Variants in SLC7A8 observed in about 807,000 individuals in gnomAD.
The protein encoded by SLC7A8 is large neutral amino acids transporter small subunit 2.
A neutral mutation model predicts 51.2 loss-of-function variants in SLC7A8; 30 were observed. That is an observed-to-expected ratio of 0.59 (90% CI 0.44 to 0.80). SLC7A8 has a LOEUF of 0.80. SLC7A8 is among the 30% of genes least tolerant of loss of function. The pLI, the probability that SLC7A8 is intolerant of heterozygous loss-of-function variation, is 0.00. For missense variants in SLC7A8, 612 were observed against 674.4 expected (o/e 0.91, Z 1.03); for synonymous variants, 257 against 275.8 (o/e 0.93, Z 0.67).
Position 23,126,993 on chromosome 14 carries a change from T to C in SLC7A8, c.*184A>G. On this transcript the variant is annotated 3_prime_UTR_variant, in exon 11 of 11. Transcript: ENST00000316902. ...GGACATGGACCCTGGGGTGAGAGGC[T>C]GGTTCTTTGGGTATGAATGTCAGTT... 1 of 695,664 alleles carries C rather than the reference T, an allele frequency of 1.4e-6. No individual in the cohort carries two copies. The highest frequency in any genetic ancestry group is 2.4e-6 in the Non-Finnish European group (1 of 416,738). 43.1% of individuals were successfully genotyped at this position (695,664 alleles called of 1,614,324 possible).
chr14:23,160,184 C>T (rs1262105703), intron 3 of SLC7A8, among the ~76,000 whole-genome samples: 5 of 152,110 alleles, frequency 3.3e-5, no homozygotes, highest in Non-Finnish European at 7.4e-5. Context: ...AAGGGTGTCC[C>T]CTGGACCCAG....
intron 3 of SLC7A8, chr14:23,154,473 A>G (rs982841415): frequency 1.0e-6 from 1 of 986,230 alleles, no homozygotes; most frequent in Non-Finnish European, 1.2e-6. Context: ...GATTGGCTGC[A>G]CCGAGTTCCT....
intron 3 of SLC7A8, among the ~76,000 whole-genome samples, chr14:23,156,962 G>A (rs565007013): frequency 4.3e-4 from 65 of 152,274 alleles, no homozygotes; most frequent in African/African-American, 1.5e-3. Flanking sequence ...ACATTGAAAC[G>A]AAGAAGAAGG....
intron 3 of SLC7A8, chr14:23,154,394 G>A: frequency 1.0e-6 from 1 of 997,014 alleles, no homozygotes; most frequent in South Asian, 4.7e-5. Flanking sequence ...TGCCCAGGCT[G>A]GAGGTTGGAG....
Position 23,131,974 on chromosome 14 carries a change from A to C in SLC7A8, c.1017-417T>G, listed in dbSNP as rs193193827. Among the ~76,000 whole-genome samples, 159 of 151,280 alleles carry C rather than the reference A, an allele frequency of 1.1e-3. 2 individuals carry two copies. The highest frequency in any genetic ancestry group is 1.2e-4 in the Non-Finnish European group (8 of 67,872). On this transcript the variant is annotated intron_variant, in intron 7 of 10. Coordinates refer to ENST00000316902, the MANE Select transcript of SLC7A8 (RefSeq NM_012244.4). ...CCCTAATACACTGGGACTGAACTGC[A>C]TATGGAAAGCTTTAAAAACACTCTA...
chr14:23,139,930 C>A (rs1239728646), intron 5 of SLC7A8, among the ~76,000 whole-genome samples: 1 of 152,072 alleles, frequency 6.6e-6, no homozygotes, highest in Non-Finnish European at 1.5e-5. Context: ...TTGCTTGAGC[C>A]CAGAAGACTG....
At chr14:23,131,416 A>G in intron 8 of SLC7A8, 45 bp downstream of exon 8, 2 of 1,473,164 alleles carry the variant, frequency 1.4e-6, no homozygotes, top group Middle Eastern at 1.8e-4. Context: ...ACTAGGCACA[A>G]AGAGAGGGAG....
intron 1 of SLC7A8, 37 bp downstream of exon 1, chr14:23,182,727 G>A (rs975555835): frequency 4.0e-6 from 6 of 1,516,616 alleles, no homozygotes; most frequent in Non-Finnish European, 4.4e-6. Flanking sequence ...ACCACCAGAG[G>A]GGAGAGGAGG....
At chr14:23,178,036 T>C (rs1293527949) in intron 1 of SLC7A8, among the ~76,000 whole-genome samples, 1 of 152,330 alleles carries the variant, frequency 6.6e-6, no homozygotes, top group East Asian at 1.9e-4. Flanking sequence ...AGCTCCAATA[T>C]TTTTTAGTTG....
intron 3 of SLC7A8, among the ~76,000 whole-genome samples, chr14:23,152,618 G>T (rs557745395): frequency 3.3e-5 from 5 of 151,986 alleles, no homozygotes; most frequent in Admixed American, 2.6e-4. Flanking sequence ...ATGCCAGGTT[G>T]CCCAGGCTGG....
Position 23,165,210 on chromosome 14 carries a change from C to T in SLC7A8, c.508+75G>A. 2 of 1,394,996 alleles carry T rather than the reference C, an allele frequency of 1.4e-6. No individual in the cohort carries two copies. The highest frequency in any genetic ancestry group is 9.4e-7 in the Non-Finnish European group (1 of 1,060,792). The allele number at this position is 1,394,996 out of a possible 1,614,324, so 86.4% of individuals were successfully genotyped here. On this transcript the variant is annotated intron_variant, in intron 3 of 10. Coordinates refer to ENST00000316902, the MANE Select transcript of SLC7A8 (RefSeq NM_012244.4). This position sits in a 1 kb window ranked among gnomAD's most constrained non-coding sequence, Gnocchi z 4.2. ...TCCAGCCTGAGTGACAGAGTGAAGA[C>T]TCTGTTTCTAAAAATAATAATAATA...
In SLC7A8 at chr14:23,165,004, A is replaced by G. The variant is rs922189566; in HGVS notation, c.508+281T>C. 6.6e-6 allele frequency among the ~76,000 whole-genome samples: 1 copy of G among 151,436 alleles called. No homozygotes were observed. The highest frequency in any genetic ancestry group is 1.5e-5 in the Non-Finnish European group (1 of 67,844). ...GAGACCCTGCCTCAAAAAAAAAAAA[A>G]TGGAGAGAAGTTAGGAGAGTCAGAG... On this transcript the variant is annotated intron_variant, in intron 3 of 10. Transcript: ENST00000316902. This position sits in a 1 kb window ranked among gnomAD's most constrained non-coding sequence, Gnocchi z 4.2.
intron 3 of SLC7A8, among the ~76,000 whole-genome samples, chr14:23,151,504 C>A (rs1379688208): frequency 1.3e-5 from 2 of 152,084 alleles, no homozygotes; most frequent in Non-Finnish European, 1.5e-5. Flanking sequence ...CACCTGTAAT[C>A]CCAGTGACAG....
intron 3 of SLC7A8, among the ~76,000 whole-genome samples, chr14:23,143,799 T>C (rs1171349919): frequency 6.6e-6 from 1 of 152,224 alleles, no homozygotes; most frequent in African/African-American, 2.4e-5. Context: ...TGCTCCTTTG[T>C]AGTCAGTTAG....
chr14:23,150,080 T>C (rs144633871), intron 3 of SLC7A8, among the ~76,000 whole-genome samples: 445 of 152,294 alleles, frequency 2.9e-3, no homozygotes, highest in Middle Eastern at 0.014. Flanking sequence ...GTATTATAGA[T>C]TATAGGTAAA....
At position 23,137,846 on chromosome 14, in the gene SLC7A8, A is replaced by G. The variant is rs1415407781; in HGVS notation, c.1016+75T>C. On this transcript the variant is annotated intron_variant, in intron 7 of 10. Transcript: ENST00000316902. Reference sequence around the variant, plus strand: ...CACACAGACCCCTGCTGACAGAGACAAGCCCACCATATACAAATAGCAAAG... The same window carrying G: ...CACACAGACCCCTGCTGACAGAGACGAGCCCACCATATACAAATAGCAAAG... 3.2e-6 allele frequency: 5 copies of G among 1,565,430 alleles called. No individual in the cohort carries two copies. In the East Asian group the frequency reaches 6.7e-5, roughly 21 times the overall value.
intron 7 of SLC7A8, among the ~76,000 whole-genome samples, chr14:23,131,997 C>CTTTT (rs1268438002): frequency 7.2e-6 from 1 of 139,144 alleles, no homozygotes; most frequent in African/African-American, 2.7e-5. Flanking sequence ...TAAAAACACT[C>CTTTT]TATTTTTTTT....
At chr14:23,135,559 A>G (rs1398237468) in intron 7 of SLC7A8, among the ~76,000 whole-genome samples, 2 of 151,654 alleles carry the variant, frequency 1.3e-5, no homozygotes, top group Non-Finnish European at 2.9e-5. Context: ...CAAATTAGCC[A>G]GGCGTGGTGG....
chr14:23,180,583 A>G (rs8013529), intron 1 of SLC7A8, among the ~76,000 whole-genome samples: 15,305 of 152,232 alleles, frequency 0.1, 878 homozygotes, highest in Non-Finnish European at 0.13. Context: ...GAACACCAGA[A>G]TTGCCATTCT....
Sources: gnomAD v4.1 joint callset for allele counts (sites outside exome capture counted in the v4.1 genomes callset) on GRCh38, gnomAD v4.1.1 for gene constraint, Gnocchi (gnomAD v3.1) non-coding constraint, MANE v1.5 for transcripts, NCBI Gene and HGNC (gene_info 2026-07-23, HGNC 2026-07-21) for gene names.